Variants in URI1 observed in about 807,000 individuals in gnomAD.
URI1 encodes unconventional prefoldin RPB5 interactor 1.
A neutral mutation model predicts 60.2 loss-of-function variants in URI1; 39 were observed. The ratio of observed to expected loss-of-function variants is 0.65; its 90% CI spans 0.50 to 0.85. URI1 has a LOEUF of 0.85. Ranked by LOEUF, URI1 falls within the 40% of genes least tolerant of loss-of-function variation. The pLI is 0.00. For missense variants in URI1, 691 were observed against 665.9 expected (o/e 1.04, Z -0.42); for synonymous variants, 251 against 236.8 (o/e 1.06, Z -0.55).
chr19:29,940,260 G>C (rs958015329), upstream of URI1, among the ~76,000 whole-genome samples: 2 of 152,174 alleles, frequency 1.3e-5, no homozygotes, highest in African/African-American at 4.8e-5. Context: ...AGGTGGTCTG[G>C]GGGGCTGTCT....
chr19:30,005,467 T>G lies in URI1; in HGVS notation c.459+15T>G. The G allele has an allele frequency of 6.4e-7, 1 of 1,571,902 alleles. No homozygotes were observed. The highest frequency in any genetic ancestry group is 8.6e-7 in the Non-Finnish European group (1 of 1,159,014). ...AAATGAGCGATGTGAGTATTTGTTT[T>G]TAGTCTTCTATATTTTTAGAAAATA... On this transcript the variant is annotated intron_variant, in intron 5 of 10. Transcript: ENST00000392271.
At chr19:30,010,356 A>C (rs550341371) in intron 8 of URI1, among the ~76,000 whole-genome samples, 1 of 152,342 alleles carries the variant, frequency 6.6e-6, no homozygotes, top group South Asian at 2.1e-4. Flanking sequence ...TTTATATTCT[A>C]ATATGTCAGA....
chr19:29,957,693 T>G (rs335057), intron 1 of URI1, among the ~76,000 whole-genome samples: 4,092 of 152,230 alleles, frequency 0.027, 188 homozygotes, highest in African/African-American at 0.093. Context: ...TTGCTTGGAG[T>G]GCACTGGATC....
At chr19:29,943,122 T>TA (rs397966770) in intron 1 of URI1, among the ~76,000 whole-genome samples, 431 of 149,258 alleles carry the variant, frequency 2.9e-3, no homozygotes, top group African/African-American at 9.4e-3. Flanking sequence ...ATTTAAACAT[T>TA]AAAAAAAAAA....
At chr19:29,961,675 G>GTTTTTTTTTTTTTTTTTTTTTTT (rs200425572) in intron 1 of URI1, among the ~76,000 whole-genome samples, 2 of 117,636 alleles carry the variant, frequency 1.7e-5, no homozygotes, top group African/African-American at 3.1e-5. Context: ...TTTTTTTTTT[G>GTTTTTTTTTTTTTTTTTTTTTTT]TTTTTTTTTT....
At chr19:29,957,503 G>A (rs2055264460) in intron 1 of URI1, among the ~76,000 whole-genome samples, 1 of 152,072 alleles carries the variant, frequency 6.6e-6, no homozygotes, top group African/African-American at 2.4e-5. Flanking sequence ...TTATTTGCCT[G>A]TAATTGCACC....
At chr19:30,009,492 C>T in intron 8 of URI1, 139 bp downstream of exon 8, 2 of 878,216 alleles carry the variant, frequency 2.3e-6, no homozygotes, top group South Asian at 3.8e-5. Context: ...GCCTCTTGTT[C>T]TGACCAATTT....
At chr19:30,010,098 C>T (rs989561412) in intron 8 of URI1, among the ~76,000 whole-genome samples, 5 of 152,130 alleles carry the variant, frequency 3.3e-5, no homozygotes, top group African/African-American at 9.7e-5. Context: ...TCGTCTAATT[C>T]GTCTTTCTCA....
At chr19:29,984,213 G>A (rs1322830577) in intron 2 of URI1, among the ~76,000 whole-genome samples, 1 of 152,088 alleles carries the variant, frequency 6.6e-6, no homozygotes, top group African/African-American at 2.4e-5. Context: ...ATCGCTTGAA[G>A]CCAGGAGTTC....
At chr19:29,939,723 C>T (rs2145213402), upstream of URI1, among the ~76,000 whole-genome samples, 1 of 152,258 alleles carries the variant, frequency 6.6e-6, no homozygotes, top group South Asian at 2.1e-4. Context: ...TGAGTAATGG[C>T]AAGGAGGCAA....
In URI1 at chr19:30,015,719, C is replaced by CT; in HGVS notation, c.*653dup. 1.2e-6 allele frequency: 1 copy of CT among 807,770 alleles called. No individual in the cohort carries two copies. The highest frequency in any genetic ancestry group is 2.7e-5 in the East Asian group (1 of 37,268). The allele number at this position is 807,770 out of a possible 1,614,324, so 50.0% of individuals were successfully genotyped here. ...AACTTGGTCTCAAAAATGTTGTGAACTTTATGATTCAAAATTGAGTACAGA... is the reference window on the plus strand; with the variant it reads ...AACTTGGTCTCAAAAATGTTGTGAACTTTTATGATTCAAAATTGAGTACAGA... On this transcript the variant is annotated 3_prime_UTR_variant, in exon 11 of 11. Transcript: ENST00000392271.
Position 30,011,165 on chromosome 19 carries a change from A to G in URI1, c.1107A>G (p.Arg369=). ...SEKKEEAKRK[R]KNSTGSGHSA... ...AGAAAGAAGAAGCCAAACGTAAACG[A>G]AAGAACAGCACTGGCAGTGGCCACT... The change falls in exon 9 of 11, where the codon CGA becomes CGG. Residue 369 remains arginine (R), a synonymous_variant. Transcript: ENST00000392271. 6.2e-7 allele frequency: 1 copy of G among 1,613,090 alleles called. No homozygotes were observed. Among genetic ancestry groups the G allele is most frequent in the Non-Finnish European group, 8.5e-7 (1 of 1,179,662 alleles).
intron 10 of URI1, 72 bp from the exon 11 acceptor site, chr19:30,014,815 A>C: frequency 2.1e-6 from 3 of 1,436,724 alleles, no homozygotes; most frequent in Non-Finnish European, 2.8e-6. Flanking sequence ...GAATTGCCAA[A>C]TGAGTGAATG....
chr19:30,015,151 T>C lies in URI1; in HGVS notation c.*82T>C. On this transcript the variant is annotated 3_prime_UTR_variant, in exon 11 of 11. Coordinates refer to ENST00000392271, the MANE Select transcript of URI1 (RefSeq NM_003796.3). Reference sequence around the variant, plus strand: ...AGTATCTATAGCAAAATAGGTTACATGTAGTTTGAAATAAGGTATCCTGAG... The same window carrying C: ...AGTATCTATAGCAAAATAGGTTACACGTAGTTTGAAATAAGGTATCCTGAG... The C allele has an allele frequency of 6.6e-7, 1 of 1,515,912 alleles. No individual in the cohort carries two copies. Among genetic ancestry groups the C allele is most frequent in the Non-Finnish European group, 8.8e-7 (1 of 1,135,452 alleles). The allele number at this position is 1,515,912 out of a possible 1,614,324, so 93.9% of individuals were successfully genotyped here. A position where few individuals can be genotyped will look rare whatever the true frequency, so the allele number is the denominator to read the frequency against.
chr19:29,945,014 A>ATT (rs2145231629), intron 1 of URI1, among the ~76,000 whole-genome samples: 1 of 152,308 alleles, frequency 6.6e-6, no homozygotes, highest in South Asian at 2.1e-4. Context: ...GAAGGGGAAA[A>ATT]TGTCATAGTA....
intron 1 of URI1, among the ~76,000 whole-genome samples, chr19:29,961,142 G>A (rs900583698): frequency 3.3e-5 from 5 of 151,830 alleles, no homozygotes; most frequent in African/African-American, 1.2e-4. Context: ...AAATAGGCAT[G>A]AGCTACCATG....
intron 4 of URI1, among the ~76,000 whole-genome samples, chr19:29,990,872 A>G (rs1191635318): frequency 6.6e-6 from 1 of 152,208 alleles, no homozygotes; most frequent in African/African-American, 2.4e-5. Context: ...TGTTATGTGA[A>G]TTATAACTTA....
At chr19:29,984,911 G>A (rs2055643828) in intron 2 of URI1, among the ~76,000 whole-genome samples, 1 of 151,826 alleles carries the variant, frequency 6.6e-6, no homozygotes, top group Non-Finnish European at 1.5e-5. Flanking sequence ...CATGAGGTCA[G>A]GAGTTCAAGA....
intron 1 of URI1, among the ~76,000 whole-genome samples, chr19:29,929,717 T>A (rs1239254708): frequency 6.6e-6 from 1 of 152,204 alleles, no homozygotes; most frequent in Non-Finnish European, 1.5e-5. Flanking sequence ...TTGAGCATCT[T>A]TTCATGTGCC....
Sources: allele counts gnomAD v4.1 joint callset (sites outside exome capture counted in the v4.1 genomes callset), GRCh38; gene constraint gnomAD v4.1.1; transcripts MANE v1.5; gene names NCBI Gene and HGNC (gene_info 2026-07-23, HGNC 2026-07-21).